Variants in NALF1 observed in about 807,000 individuals in gnomAD.
NALF1 encodes family with sequence similarity 155 member A.
In NALF1, 3 loss-of-function variants were observed where a neutral mutation model predicts 48.4. That is an observed-to-expected ratio of 0.06 (90% CI 0.03 to 0.16). The LOEUF is 0.16. Among genes scored for constraint, NALF1 ranks in the 10% least tolerant of loss-of-function variants. The pLI, the probability that NALF1 is intolerant of heterozygous loss-of-function variation, is 1.00. For missense variants in NALF1, 526 were observed against 571.5 expected, an observed-to-expected ratio of 0.92 and a Z score of 0.81; for synonymous variants, 262 against 245.7, an observed-to-expected ratio of 1.07 and a Z score of -0.62.
chr13:107,438,566 G>A (rs1338707049), intron 1 of NALF1, among the ~76,000 whole-genome samples: 1 of 151,960 alleles, frequency 6.6e-6, no homozygotes, highest in Non-Finnish European at 1.5e-5. Flanking sequence ...CACTTTGGGA[G>A]GCCGAGGTGG....
chr13:107,184,027 G>A (rs1879122376), intron 2 of NALF1, among the ~76,000 whole-genome samples: 1 of 150,410 alleles, frequency 6.6e-6, no homozygotes, highest in Non-Finnish European at 1.5e-5. Flanking sequence ...TGCCGGGCTG[G>A]AGTGCAGTGG....
In NALF1 at chr13:107,866,357, C is replaced by A. The variant is rs1566511765; in HGVS notation, c.240G>T (p.Gln80His). Residue 80 changes from glutamine to histidine, a missense_variant, in exon 1 of 3, where the codon CAG becomes CAT. Physicochemically the swap from Gln to His is conservative, Grantham distance 24 (BLOSUM62 0). Coordinates refer to ENST00000375915, the MANE Select transcript of NALF1 (RefSeq NM_001080396.3). This position sits in a 1 kb window ranked among gnomAD's most constrained non-coding sequence, Gnocchi z 4.4. ...GCTGCCTCTGCTGCTGCTGCTGCTGCTGCTGCTGCCGCTGCTGCTGCTGGT... is the reference window on the plus strand; with the variant it reads ...GCTGCCTCTGCTGCTGCTGCTGCTGATGCTGCTGCCGCTGCTGCTGCTGGT... The part of the protein sequence containing the change: ...KEHQQQQRQQ[Q>H]QQQQQQRQRQ... The A allele has an allele frequency of 1.2e-6, 2 of 1,610,888 alleles. No individual in the cohort carries two copies. The highest frequency in any genetic ancestry group is 1.1e-5 in the South Asian group (1 of 90,950).
At chr13:107,832,574 G>A (rs767859742) in intron 1 of NALF1, among the ~76,000 whole-genome samples, 3 of 152,046 alleles carry the variant, frequency 2.0e-5, no homozygotes, top group Non-Finnish European at 2.9e-5. Flanking sequence ...TGCCTCTCCC[G>A]TCTTACGAAA....
In NALF1 at chr13:107,170,405, A is replaced by G. The variant is rs550345335; in HGVS notation, c.*92T>C. The G allele has an allele frequency of 1.5e-6, 2 of 1,316,698 alleles. No homozygotes were observed. The highest frequency in any genetic ancestry group is 2.1e-5 in the Admixed American group (1 of 48,480). 81.6% of individuals were successfully genotyped at this position (1,316,698 alleles called of 1,614,324 possible). A position where few individuals can be genotyped will look rare whatever the true frequency, so the allele number is the denominator to read the frequency against. On this transcript the variant is annotated 3_prime_UTR_variant, in exon 3 of 3. Coordinates refer to ENST00000375915, the MANE Select transcript of NALF1 (RefSeq NM_001080396.3). ...TAAAGGCCTTGCAATAAGTAATTCG[A>G]GGGTAAAAGCACCCAGTTTCTGTTA...
chr13:107,359,752 T>G (rs905876048), intron 1 of NALF1, among the ~76,000 whole-genome samples: 4 of 152,118 alleles, frequency 2.6e-5, no homozygotes, highest in African/African-American at 9.7e-5. Context: ...CAAAGAGCGC[T>G]TAAGGGCTTC....
chr13:107,523,170 T>C (rs938956781), intron 1 of NALF1, among the ~76,000 whole-genome samples: 2 of 152,040 alleles, frequency 1.3e-5, no homozygotes, highest in South Asian at 2.1e-4. Context: ...CTGGATATCA[T>C]AAGGAGGGAG....
At chr13:107,726,184 T>G (rs1264326658) in intron 1 of NALF1, among the ~76,000 whole-genome samples, 1 of 152,218 alleles carries the variant, frequency 6.6e-6, no homozygotes, top group East Asian at 1.9e-4. Context: ...CTATTAGTTT[T>G]TCTTCATCTT....
At chr13:107,435,474 C>A (rs181924025) in intron 1 of NALF1, among the ~76,000 whole-genome samples, 2 of 152,154 alleles carry the variant, frequency 1.3e-5, no homozygotes, top group African/African-American at 2.4e-5. Flanking sequence ...GTTTCTTAAA[C>A]GGCTACTCCA....
chr13:107,833,211 G>A (rs901078758), intron 1 of NALF1, among the ~76,000 whole-genome samples: 4 of 152,164 alleles, frequency 2.6e-5, no homozygotes, highest in African/African-American at 4.8e-5. Flanking sequence ...AACTGCTTCC[G>A]GAACAAGAAC....
At chr13:107,846,221 C>T (rs1206987491) in intron 1 of NALF1, among the ~76,000 whole-genome samples, 1 of 152,150 alleles carries the variant, frequency 6.6e-6, no homozygotes, top group Non-Finnish European at 1.5e-5. Context: ...TTTTCAAAAA[C>T]AGAGTATGGC....
intron 1 of NALF1, among the ~76,000 whole-genome samples, chr13:107,739,590 C>A (rs1232784072): frequency 6.6e-6 from 1 of 151,934 alleles, no homozygotes; most frequent in Admixed American, 6.6e-5. Context: ...ATGCCATGGA[C>A]AAATACACGG....
chr13:107,619,099 T>A (rs543921652), intron 1 of NALF1, among the ~76,000 whole-genome samples: 1 of 152,348 alleles, frequency 6.6e-6, no homozygotes, highest in South Asian at 2.1e-4. Context: ...ATTACTGTGA[T>A]GGAGGAATTG....
intron 1 of NALF1, among the ~76,000 whole-genome samples, chr13:107,851,941 T>C (rs897254572): frequency 2.6e-5 from 4 of 151,238 alleles, no homozygotes; most frequent in South Asian, 2.1e-4. Context: ...CCCATGTAGC[T>C]TGGACTCAGT....
rs35105195 is a variant in NALF1 at position 107,440,609 on chromosome 13, C to T, written c.916-229854G>A. 9.3e-3 allele frequency among the ~76,000 whole-genome samples: 1,415 copies of T among 152,188 alleles called. 11 individuals carry two copies. The highest frequency in any genetic ancestry group is 0.02 in the Middle Eastern group (6 of 294). On this transcript the variant is annotated intron_variant, in intron 1 of 2. Coordinates refer to ENST00000375915, the MANE Select transcript of NALF1 (RefSeq NM_001080396.3). ...GTAGATCGATTGTTGAAGCCTAATGCGTGGAGGAGAGGTAATTAAATACTA... is the reference window on the plus strand; with the variant it reads ...GTAGATCGATTGTTGAAGCCTAATGTGTGGAGGAGAGGTAATTAAATACTA...
chr13:107,801,390 A>G (rs1017160782), intron 1 of NALF1, among the ~76,000 whole-genome samples: 1 of 152,196 alleles, frequency 6.6e-6, no homozygotes. Flanking sequence ...TAAAATATTT[A>G]TAAGAAAGGT....
At chr13:107,841,305 G>T (rs929421327) in intron 1 of NALF1, among the ~76,000 whole-genome samples, 1 of 152,118 alleles carries the variant, frequency 6.6e-6, no homozygotes, top group African/African-American at 2.4e-5. Context: ...TAAAGAGCTT[G>T]CATGAAGAGA....
chr13:107,266,385 A>G (rs1230133440), intron 1 of NALF1, among the ~76,000 whole-genome samples: 3 of 152,240 alleles, frequency 2.0e-5, no homozygotes, highest in Non-Finnish European at 4.4e-5. Context: ...TGCTCTGTGT[A>G]CACCCCACCT....
At chr13:107,847,921 A>G (rs1259498012) in intron 1 of NALF1, among the ~76,000 whole-genome samples, 1 of 151,178 alleles carries the variant, frequency 6.6e-6, no homozygotes, top group Admixed American at 6.6e-5. Context: ...TTTTTTTGCA[A>G]AGCAAGAAAA....
intron 1 of NALF1, among the ~76,000 whole-genome samples, chr13:107,282,411 A>G (rs768524586): frequency 6.6e-6 from 1 of 152,232 alleles, no homozygotes; most frequent in Non-Finnish European, 1.5e-5. Flanking sequence ...GAAGCAATGA[A>G]TAGGAGAGGG....
Sources: allele counts gnomAD v4.1 joint callset (sites outside exome capture counted in the v4.1 genomes callset), GRCh38; gene constraint gnomAD v4.1.1; non-coding constraint Gnocchi (gnomAD v3.1); transcripts MANE v1.5; gene names NCBI Gene and HGNC (gene_info 2026-07-23, HGNC 2026-07-21).